Variants in SLC25A21 observed in about 807,000 individuals in gnomAD.
SLC25A21 encodes mitochondrial 2-oxodicarboxylate carrier.
Under a neutral mutation model 43.8 loss-of-function variants are expected in SLC25A21, and 47 were observed. That is an observed-to-expected ratio of 1.07 (90% CI 0.85 to 1.37). The LOEUF (loss-of-function observed/expected upper bound fraction) is 1.37. Among genes scored for constraint, SLC25A21 ranks in the 40% most tolerant of loss-of-function variants. The pLI, the probability that SLC25A21 is intolerant of heterozygous loss-of-function variation, is 0.00. For missense variants in SLC25A21, 352 were observed against 350.2 expected (o/e 1.00, Z -0.04); for synonymous variants, 131 against 121.3 (o/e 1.08, Z -0.52).
Position 36,900,932 on chromosome 14 carries a change from T to A in SLC25A21, c.71-25928A>T, listed in dbSNP as rs1325669786. Among the ~76,000 whole-genome samples, 21 of 152,318 alleles carry A rather than the reference T, an allele frequency of 1.4e-4. No individual in the cohort carries two copies. The East Asian group carries it at 3.9e-3, about 28-fold the overall frequency. On this transcript the variant is annotated intron_variant, in intron 1 of 9. Coordinates refer to ENST00000331299, the MANE Select transcript of SLC25A21 (RefSeq NM_030631.4). ...TTTGGCTGCATGTTACAATCCACAA[T>A]TCAATTTGGCATAGCATCTTGCATA...
chr14:36,826,740 C>T (rs1888846198), intron 2 of SLC25A21, among the ~76,000 whole-genome samples: 1 of 152,186 alleles, frequency 6.6e-6, no homozygotes, highest in Admixed American at 6.5e-5. Context: ...AGATAAGTGG[C>T]CTCTGGCTAA....
At chr14:37,134,247 A>G (rs1429058884) in intron 1 of SLC25A21, among the ~76,000 whole-genome samples, 2 of 152,204 alleles carry the variant, frequency 1.3e-5, no homozygotes, top group African/African-American at 4.8e-5. Flanking sequence ...CATGAATAGT[A>G]CTAGAGAAAT....
rs1047421003 is a variant in SLC25A21, at chr14:36,679,651, A to C, written c.*1007T>G. 1.0e-6 allele frequency: 1 copy of C among 985,432 alleles called. No individual in the cohort carries two copies. Among genetic ancestry groups the C allele is most frequent in the Non-Finnish European group, 1.2e-6 (1 of 829,902 alleles). The allele number at this position is 985,432 out of a possible 1,614,324, so 61.0% of individuals were successfully genotyped here. On this transcript the variant is annotated 3_prime_UTR_variant, in exon 10 of 10. Coordinates refer to ENST00000331299, the MANE Select transcript of SLC25A21 (RefSeq NM_030631.4). ...TTCATCATACATATTTTAATACTGC[A>C]GACAGCTGACTTCCCACCTGAAGTT...
intron 1 of SLC25A21, among the ~76,000 whole-genome samples, chr14:37,077,886 G>A (rs908715614): frequency 6.6e-6 from 1 of 152,092 alleles, no homozygotes; most frequent in African/African-American, 2.4e-5. Context: ...ACTCTGTGGG[G>A]CTTTTGCTTT....
intron 1 of SLC25A21, among the ~76,000 whole-genome samples, chr14:37,001,710 T>A (rs541972809): frequency 1.2e-4 from 19 of 152,330 alleles, no homozygotes; most frequent in African/African-American, 4.6e-4. Context: ...ACACATTGCC[T>A]ACTCACAAAG....
rs748392929 is a variant in SLC25A21 at position 36,684,766 on chromosome 14, C to T, written c.763G>A (p.Ala255Thr). ...TACCCTTCTTCCTGATAGACTGTTGCCATTGTTTTAAAACAGGTTCTGTAC... is the reference window on the plus strand; with the variant it reads ...TACCCTTCTTCCTGATAGACTGTTGTCATTGTTTTAAAACAGGTTCTGTAC... ...IKYRTCFKTMATVYQEEGILA... is the reference protein window; with the variant it reads ...IKYRTCFKTMTTVYQEEGILA... The change falls in exon 8 of 10, where the codon GCA becomes ACA. Residue 255 changes from alanine (A) to threonine (T), a missense_variant. Coordinates refer to ENST00000331299, the MANE Select transcript of SLC25A21 (RefSeq NM_030631.4). The T allele has an allele frequency of 1.2e-6, 2 of 1,605,916 alleles. No homozygotes were observed. Among genetic ancestry groups the T allele is most frequent in the African/African-American group, 1.3e-5 (1 of 74,506 alleles).
At chr14:36,713,948 T>C (rs566134762) in intron 6 of SLC25A21, among the ~76,000 whole-genome samples, 1 of 152,098 alleles carries the variant, frequency 6.6e-6, no homozygotes, top group African/African-American at 2.4e-5. Flanking sequence ...TGAACTGTTA[T>C]CCTGTCACTG....
rs151305211 is a variant in SLC25A21, at chr14:36,712,634, A to G, written c.439-1152T>C. Among the ~76,000 whole-genome samples the G allele has an allele frequency of 9.1e-4, 138 of 152,284 alleles. 1 individual carries two copies. The highest frequency in any genetic ancestry group is 3.2e-3 in the African/African-American group (132 of 41,570). ...TAGTCTTTGCTGATAAATGTTTTGA[A>G]GACTCTAGCTACAATTCTACACTCA... On this transcript the variant is annotated intron_variant, in intron 6 of 9. Transcript: ENST00000331299.
intron 1 of SLC25A21, among the ~76,000 whole-genome samples, chr14:36,878,304 T>C (rs1890606429): frequency 6.6e-6 from 1 of 152,228 alleles, no homozygotes; most frequent in Non-Finnish European, 1.5e-5. Context: ...AGGATCTCTA[T>C]GTGATTATTT....
intron 1 of SLC25A21, among the ~76,000 whole-genome samples, chr14:37,066,438 T>C (rs1594777110): frequency 6.6e-6 from 1 of 151,914 alleles, no homozygotes; most frequent in Non-Finnish European, 1.5e-5. Context: ...ATCGAGGACA[T>C]CACTGAGTCA....
chr14:36,998,349 G>A (rs1960416389), intron 1 of SLC25A21, among the ~76,000 whole-genome samples: 1 of 152,128 alleles, frequency 6.6e-6, no homozygotes, highest in African/African-American at 2.4e-5. Flanking sequence ...ACCAATGTGT[G>A]TTGAGTTTAG....
intron 1 of SLC25A21, among the ~76,000 whole-genome samples, chr14:36,875,793 C>T (rs1367232427): frequency 6.6e-6 from 1 of 152,134 alleles, no homozygotes; most frequent in Non-Finnish European, 1.5e-5. Flanking sequence ...GTAACACTCT[C>T]TCTCCTATCA....
At chr14:36,724,935 G>T (rs1358764734) in intron 6 of SLC25A21, among the ~76,000 whole-genome samples, 1 of 152,126 alleles carries the variant, frequency 6.6e-6, no homozygotes, top group Non-Finnish European at 1.5e-5. Flanking sequence ...CAATTGAAAA[G>T]AAGTTTTGCC....
At position 37,120,488 on chromosome 14, in the gene SLC25A21, C is replaced by T. The variant is rs966221262; in HGVS notation, c.70+51793G>A. 2.0e-5 allele frequency among the ~76,000 whole-genome samples: 3 copies of T among 152,168 alleles called. No individual in the cohort carries two copies. In the East Asian group the frequency reaches 5.8e-4, roughly 29 times the overall value. On this transcript the variant is annotated intron_variant, in intron 1 of 9. Coordinates refer to ENST00000331299, the MANE Select transcript of SLC25A21 (RefSeq NM_030631.4). ...CAATAAATCAGTGGTGACTTTAAGT[C>T]CTTTCTGCCTTTTATCCAGAGTTAG...
intron 1 of SLC25A21, among the ~76,000 whole-genome samples, chr14:37,031,521 T>C (rs1961210171): frequency 6.6e-6 from 1 of 152,190 alleles, no homozygotes; most frequent in Non-Finnish European, 1.5e-5. Flanking sequence ...TGTTCCACAC[T>C]AACTTACAGG....
intron 2 of SLC25A21, among the ~76,000 whole-genome samples, chr14:36,830,750 A>G (rs745762051): frequency 3.3e-5 from 5 of 152,176 alleles, no homozygotes; most frequent in Non-Finnish European, 7.3e-5. Context: ...AGAAACCCAC[A>G]TCATCCCCTC....
intron 1 of SLC25A21, among the ~76,000 whole-genome samples, chr14:37,165,433 C>A (rs1964014751): frequency 1.3e-5 from 2 of 151,970 alleles, no homozygotes; most frequent in Non-Finnish European, 2.9e-5. Context: ...AAACAGCAAC[C>A]TGGAAATTTT....
At chr14:37,135,653 C>T (rs751746023) in intron 1 of SLC25A21, among the ~76,000 whole-genome samples, 2 of 152,214 alleles carry the variant, frequency 1.3e-5, no homozygotes, top group Non-Finnish European at 2.9e-5. Flanking sequence ...AATCCTATGG[C>T]ATCCTCATTA....
intron 1 of SLC25A21, 50 bp from the exon 2 acceptor site, chr14:36,875,054 CT>C (rs1594658939): frequency 6.8e-7 from 1 of 1,467,160 alleles, no homozygotes; most frequent in Non-Finnish European, 9.5e-7. Flanking sequence ...AACACTGGTT[CT>C]TATTTCCTTG....
Sources: gnomAD v4.1 joint callset for allele counts (sites outside exome capture counted in the v4.1 genomes callset) on GRCh38, gnomAD v4.1.1 for gene constraint, MANE v1.5 for transcripts, NCBI Gene and HGNC (gene_info 2026-07-23, HGNC 2026-07-21) for gene names.